FBXO36: variants seen among roughly 807,000 people sequenced by gnomAD.
FBXO36 encodes F-box protein 36, also known as F-box only protein 36.
A neutral mutation model predicts 17.0 loss-of-function variants in FBXO36; 18 were observed. The observed-to-expected ratio is 1.06, with a 90% confidence interval of 0.73 to 1.57. The LOEUF is 1.57. Ranked by LOEUF, FBXO36 falls within the 40% of genes most tolerant of loss-of-function variation. FBXO36 has a pLI of 0.00. For synonymous variants in FBXO36, 83 were observed against 85.3 expected (o/e 0.97, Z 0.15); for missense variants, 229 against 221.9 (o/e 1.03, Z -0.20).
chr2:229,933,419 A>C (rs182052644), intron 1 of FBXO36, among the ~76,000 whole-genome samples: 15 of 152,094 alleles, frequency 9.9e-5, no homozygotes, highest in Admixed American at 4.6e-4. Flanking sequence ...CACACACACA[A>C]AGATTGTGCG....
Position 230,010,678 on chromosome 2 carries a change from G to C in FBXO36, c.379-18G>C. Reference sequence around the variant, plus strand: ...CACATGTGTGCTGTAACCCACCTCTGACTTTTCCCACCCACAGCTGTGCAT... The same window carrying C: ...CACATGTGTGCTGTAACCCACCTCTCACTTTTCCCACCCACAGCTGTGCAT... On this transcript the variant is annotated intron_variant, in intron 3 of 3. Coordinates refer to ENST00000283946, the MANE Select transcript of FBXO36 (RefSeq NM_174899.5). 1 of 1,590,036 alleles carries C rather than the reference G, an allele frequency of 6.3e-7. No homozygotes were observed. The highest frequency in any genetic ancestry group is 8.6e-7 in the Non-Finnish European group (1 of 1,163,380).
At position 229,995,592 on chromosome 2, in the gene FBXO36, C is replaced by CTTTTTTTTTTT. The variant is rs748422157; in HGVS notation, c.206-1156_206-1155insTTTTTTTTTTT. Among the ~76,000 whole-genome samples, 57 of 114,548 alleles carry CTTTTTTTTTTT rather than the reference C, an allele frequency of 5.0e-4. 3 individuals are homozygous for CTTTTTTTTTTT. The highest frequency in any genetic ancestry group is 6.4e-4 in the African/African-American group (20 of 31,482). The allele number at this position is 114,548 out of a possible 152,430, so 75.1% of individuals were successfully genotyped here. On this transcript the variant is annotated intron_variant, in intron 2 of 3. Coordinates refer to ENST00000283946, the MANE Select transcript of FBXO36 (RefSeq NM_174899.5). ...TTTCTTTCTTTCTTTCTCTTTCTTTCTTTCTTTTTTTTTTTTTTGGACAGA... is the reference window on the plus strand; with the variant it reads ...TTTCTTTCTTTCTTTCTCTTTCTTTCTTTTTTTTTTTTTTCTTTTTTTTTTTTTTGGACAGA...
rs147174910 is a variant in FBXO36, at chr2:229,934,099, G to A, written c.96+11490G>A. ...CTTCTTTTCTCTGAAATTTCTCAGA[G>A]CCTTTCAAATCCTATTGTGCAGCCG... On this transcript the variant is annotated intron_variant, in intron 1 of 3. Coordinates refer to ENST00000283946, the MANE Select transcript of FBXO36 (RefSeq NM_174899.5). Among the ~76,000 whole-genome samples the A allele has an allele frequency of 2.0e-3, 304 of 152,100 alleles. 5 individuals carry two copies. The highest frequency in any genetic ancestry group is 0.018 in the Admixed American group (268 of 15,278).
intron 1 of FBXO36, among the ~76,000 whole-genome samples, chr2:229,944,577 AT>A (rs1294063942): frequency 3.6e-5 from 5 of 140,322 alleles, no homozygotes; most frequent in South Asian, 2.2e-4. Flanking sequence ...CAAAACTGGT[AT>A]TTTTTTTCTT....
intron 1 of FBXO36, among the ~76,000 whole-genome samples, chr2:229,963,829 TC>T (rs2077137394): frequency 6.6e-6 from 1 of 152,180 alleles, no homozygotes; most frequent in Non-Finnish European, 1.5e-5. Context: ...GATGAAAGCA[TC>T]CATAATTTTA....
chr2:229,963,366 C>T (rs951799994), intron 1 of FBXO36, among the ~76,000 whole-genome samples: 1 of 150,828 alleles, frequency 6.6e-6, no homozygotes, highest in African/African-American at 2.4e-5. Flanking sequence ...GCCCGGCCCC[C>T]CAGGTTGTTT....
At chr2:230,002,647 G>A (rs777257682) in intron 3 of FBXO36, among the ~76,000 whole-genome samples, 17 of 152,062 alleles carry the variant, frequency 1.1e-4, no homozygotes, top group South Asian at 2.1e-4. Context: ...GCCTCCCAAA[G>A]TGTTAGGATT....
intron 1 of FBXO36, among the ~76,000 whole-genome samples, chr2:229,928,460 T>G (rs2076923729): frequency 6.6e-6 from 1 of 152,236 alleles, no homozygotes; most frequent in South Asian, 2.1e-4. Flanking sequence ...TGAGCATTTA[T>G]TTTTATAATC....
chr2:229,951,121 G>C (rs1372894567), intron 1 of FBXO36, among the ~76,000 whole-genome samples: 1 of 151,766 alleles, frequency 6.6e-6, no homozygotes, highest in Non-Finnish European at 1.5e-5. Context: ...TTTTAGTAGA[G>C]ACAGGGTTTC....
chr2:229,988,315 G>A (rs966103481), intron 2 of FBXO36, among the ~76,000 whole-genome samples: 11 of 152,210 alleles, frequency 7.2e-5, no homozygotes, highest in African/African-American at 2.6e-4. Flanking sequence ...TAATAGCTTT[G>A]TCCTGGATGT....
chr2:229,990,619 G>A (rs1353496261), intron 2 of FBXO36, among the ~76,000 whole-genome samples: 4 of 152,092 alleles, frequency 2.6e-5, no homozygotes, highest in Non-Finnish European at 5.9e-5. Context: ...TTTTTAATAT[G>A]TTGGTGAACT....
At chr2:229,958,298 A>C (rs1577341039) in intron 1 of FBXO36, among the ~76,000 whole-genome samples, 1 of 113,176 alleles carries the variant, frequency 8.8e-6, no homozygotes, top group Non-Finnish European at 1.6e-5. Flanking sequence ...TCAGAGTCTC[A>C]CTCACTCTGT....
intron 1 of FBXO36, among the ~76,000 whole-genome samples, chr2:229,926,452 TAAG>T (rs2076912752): frequency 6.6e-6 from 1 of 150,606 alleles, no homozygotes; most frequent in African/African-American, 2.4e-5. Context: ...AATAAATAAA[TAAG>T]ATTTACTTGG....
At chr2:230,002,297 C>T (rs2077363368) in intron 3 of FBXO36, among the ~76,000 whole-genome samples, 1 of 151,998 alleles carries the variant, frequency 6.6e-6, no homozygotes, top group Non-Finnish European at 1.5e-5. Context: ...TCAATAATGT[C>T]CTTTTGCTGT....
chr2:229,948,378 C>G (rs75277969), intron 1 of FBXO36, among the ~76,000 whole-genome samples: 2,641 of 152,206 alleles, frequency 0.017, 52 homozygotes, highest in Non-Finnish European at 0.024. Context: ...TGGGAAAAGG[C>G]CTCCTCTGTG....
rs1462641950 is a variant in FBXO36 at position 229,993,465 on chromosome 2, G to C, written c.206-3286G>C. On this transcript the variant is annotated intron_variant, in intron 2 of 3. Transcript: ENST00000283946. ...TTCTGCAATATCCTCTTTGTTAATA[G>C]GGCAGCCCTATTCAGTGTGGGATGG... Among the ~76,000 whole-genome samples, 3 of 152,168 alleles carry C rather than the reference G, an allele frequency of 2.0e-5. No homozygotes were observed. The East Asian group carries it at 5.8e-4, about 29-fold the overall frequency.
chr2:230,007,101 A>G (rs1027233695), intron 3 of FBXO36, among the ~76,000 whole-genome samples: 2 of 152,252 alleles, frequency 1.3e-5, no homozygotes, highest in Non-Finnish European at 2.9e-5. Flanking sequence ...CCAGTCTCGG[A>G]CTGAGACAAG....
intron 1 of FBXO36, among the ~76,000 whole-genome samples, chr2:229,944,597 T>G (rs1460253095): frequency 3.4e-5 from 5 of 146,802 alleles, no homozygotes; most frequent in Non-Finnish European, 7.5e-5. Flanking sequence ...TTTTTCTTTT[T>G]TTTTTTTTTT....
At chr2:229,993,292 A>T (rs2077307052) in intron 2 of FBXO36, among the ~76,000 whole-genome samples, 1 of 152,216 alleles carries the variant, frequency 6.6e-6, no homozygotes, top group South Asian at 2.1e-4. Context: ...AGATCTGAAT[A>T]GGAAACACTG....
Sources: allele counts gnomAD v4.1 joint callset (sites outside exome capture counted in the v4.1 genomes callset), GRCh38; gene constraint gnomAD v4.1.1; transcripts MANE v1.5; gene names NCBI Gene and HGNC (gene_info 2026-07-23, HGNC 2026-07-21).